The following PRKCI variants were observed in gnomAD, a reference collection of about 807,000 sequenced individuals.
PRKCI encodes protein kinase C iota, also known as protein kinase C iota type.
Under a neutral mutation model 84.0 loss-of-function variants are expected in PRKCI, and 43 were observed. That is an observed-to-expected ratio of 0.51 (90% CI 0.40 to 0.66). The LOEUF (loss-of-function observed/expected upper bound fraction) is 0.66. Among genes scored for constraint, PRKCI ranks in the 30% least tolerant of loss-of-function variants. The pLI, the probability that PRKCI is intolerant of heterozygous loss-of-function variation, is 0.00. For missense variants in PRKCI, 459 were observed against 745.6 expected, an observed-to-expected ratio of 0.62 and a Z score of 4.48; for synonymous variants, 216 against 234.4, an observed-to-expected ratio of 0.92 and a Z score of 0.72.
chr3:170,285,826 C>T (rs1368470020), intron 12 of PRKCI, among the ~76,000 whole-genome samples: 2 of 151,728 alleles, frequency 1.3e-5, no homozygotes, highest in African/African-American at 2.4e-5. Context: ...CTCACTGCAA[C>T]CTCCGCCTCC....
At chr3:170,260,080 A>G (rs371846765) in intron 3 of PRKCI, 22 bp downstream of exon 3, 96 of 1,398,326 alleles carry the variant, frequency 6.9e-5, no homozygotes, top group Non-Finnish European at 8.4e-5. Context: ...GTCATTTCAT[A>G]CTCGTCCAGA....
chr3:170,278,890 A>G (rs573274913), intron 8 of PRKCI, among the ~76,000 whole-genome samples: 19 of 152,328 alleles, frequency 1.2e-4, no homozygotes, highest in African/African-American at 4.3e-4. Context: ...CTCATTACAC[A>G]GGAACACACC....
Position 170,257,845 on chromosome 3 carries a change from G to A in PRKCI, c.224-2124G>A, listed in dbSNP as rs138420294. On this transcript the variant is annotated intron_variant, in intron 2 of 17. Coordinates refer to ENST00000295797, the MANE Select transcript of PRKCI (RefSeq NM_002740.6). ...ACGCCCAGCTAATTTTTGTGTTTTC[G>A]TAGAGACGGGGTTTCACCATGTTGG... 1.0e-2 allele frequency among the ~76,000 whole-genome samples: 1,513 copies of A among 151,828 alleles called. 20 individuals are homozygous for A. Among genetic ancestry groups the A allele is most frequent in the African/African-American group, 0.035 (1,449 of 41,392 alleles).
intron 2 of PRKCI, among the ~76,000 whole-genome samples, chr3:170,257,773 G>A (rs1733622007): frequency 1.3e-5 from 2 of 150,808 alleles, no homozygotes; most frequent in South Asian, 4.2e-4. Context: ...CAAGCGATTC[G>A]CCTGCCTTAG....
chr3:170,228,195 C>G (rs1168635961), intron 1 of PRKCI, among the ~76,000 whole-genome samples: 2 of 152,146 alleles, frequency 1.3e-5, no homozygotes, highest in Admixed American at 1.3e-4. Context: ...TGCTTGACAG[C>G]TAACCTATGT....
At chr3:170,253,516 G>A (rs2108845514) in intron 2 of PRKCI, among the ~76,000 whole-genome samples, 1 of 152,342 alleles carries the variant, frequency 6.6e-6, no homozygotes, top group East Asian at 1.9e-4. Context: ...CAGGAGCCGG[G>A]CACAGTGGCT....
At chr3:170,233,636 C>T (rs555256632) in intron 1 of PRKCI, among the ~76,000 whole-genome samples, 3 of 152,262 alleles carry the variant, frequency 2.0e-5, no homozygotes, top group East Asian at 3.9e-4. Flanking sequence ...TATAAAACTC[C>T]CTTGAATGTT....
chr3:170,276,844 C>A (rs531054563), intron 8 of PRKCI, among the ~76,000 whole-genome samples: 121 of 152,158 alleles, frequency 8.0e-4, no homozygotes, highest in African/African-American at 2.8e-3. Flanking sequence ...AATAAACAGA[C>A]AACCTAAAGA....
At chr3:170,245,061 G>A (rs74414393) in intron 2 of PRKCI, among the ~76,000 whole-genome samples, 3,179 of 152,154 alleles carry the variant, frequency 0.021, 54 homozygotes, top group East Asian at 0.084. Context: ...ATGCAAAACA[G>A]TTGTTCTCGG....
At position 170,245,949 on chromosome 3, in the gene PRKCI, G is replaced by GTTTTTTTTTTTTTTTTTTTTTTTTTTTTT. The variant is rs112482352; in HGVS notation, c.223+10619_223+10620insTTTTTTTTTTTTTTTTTTTTTTTTTTTTT. Among the ~76,000 whole-genome samples the GTTTTTTTTTTTTTTTTTTTTTTTTTTTTT allele has an allele frequency of 4.9e-5, 4 of 82,460 alleles. 1 individual carries two copies. The highest frequency in any genetic ancestry group is 1.5e-4 in the African/African-American group (3 of 20,442). The allele number at this position is 82,460 out of a possible 152,430, so 54.1% of individuals were successfully genotyped here. A position where few individuals can be genotyped will look rare whatever the true frequency, so the allele number is the denominator to read the frequency against. ...TTTTTTCCCTGGATGTTATGTCTTT[G>GTTTTTTTTTTTTTTTTTTTTTTTTTTTTT]TTTTTTTTTTTTTTTTTTTTTCTGA... is the stretch of plus-strand genomic sequence containing the variant. On this transcript the variant is annotated intron_variant, in intron 2 of 17. Coordinates refer to ENST00000295797, the MANE Select transcript of PRKCI (RefSeq NM_002740.6).
intron 1 of PRKCI, among the ~76,000 whole-genome samples, chr3:170,235,009 G>A (rs533578908): frequency 4.7e-4 from 72 of 151,874 alleles, no homozygotes; most frequent in Non-Finnish European, 8.2e-4. Flanking sequence ...TGAGCTCCTG[G>A]GCTAAAGTGA....
intron 1 of PRKCI, among the ~76,000 whole-genome samples, chr3:170,223,440 C>T (rs930830423): frequency 6.6e-6 from 1 of 152,060 alleles, no homozygotes; most frequent in Non-Finnish European, 1.5e-5. Flanking sequence ...CAACGACTAC[C>T]CGATAGGGTG....
At chr3:170,273,214 G>C in intron 6 of PRKCI, 72 bp from the exon 7 acceptor site, 1 of 1,221,774 alleles carries the variant, frequency 8.2e-7, no homozygotes, top group Non-Finnish European at 1.2e-6. Flanking sequence ...GCTGTGTGTT[G>C]TTGAAATAGT....
intron 9 of PRKCI, 87 bp from the exon 10 acceptor site, chr3:170,281,079 C>G: frequency 9.5e-7 from 1 of 1,047,976 alleles, no homozygotes. Context: ...TTAACCATTG[C>G]ATTTGTGACC....
At chr3:170,229,157 A>C (rs930660910) in intron 1 of PRKCI, among the ~76,000 whole-genome samples, 2 of 152,152 alleles carry the variant, frequency 1.3e-5, no homozygotes, top group Admixed American at 1.3e-4. Flanking sequence ...ATAGATATGT[A>C]TGTGCATACA....
intron 2 of PRKCI, among the ~76,000 whole-genome samples, chr3:170,247,362 C>T (rs1254147668): frequency 6.6e-6 from 1 of 151,128 alleles, no homozygotes; most frequent in African/African-American, 2.4e-5. Context: ...AGCCTTAAAC[C>T]ACTGTTTAAT....
At chr3:170,285,863 G>A (rs1385522885) in intron 12 of PRKCI, among the ~76,000 whole-genome samples, 2 of 150,984 alleles carry the variant, frequency 1.3e-5, no homozygotes, top group Admixed American at 6.6e-5. Context: ...TCCAGCCTCA[G>A]CCTTCCAAGT....
intron 2 of PRKCI, among the ~76,000 whole-genome samples, chr3:170,255,260 A>G (rs999451422): frequency 1.3e-5 from 2 of 151,910 alleles, no homozygotes; most frequent in Admixed American, 6.6e-5. Flanking sequence ...AGGTTTCTCC[A>G]TGTTAGTCAG....
intron 14 of PRKCI, among the ~76,000 whole-genome samples, chr3:170,294,736 G>T (rs866428943): frequency 3.9e-5 from 6 of 152,186 alleles, no homozygotes; most frequent in Admixed American, 2.0e-4. Context: ...GGAAACTGAG[G>T]CATAATTAGG....
Sources: gnomAD v4.1 joint callset for allele counts (sites outside exome capture counted in the v4.1 genomes callset) on GRCh38, gnomAD v4.1.1 for gene constraint, MANE v1.5 for transcripts, NCBI Gene and HGNC (gene_info 2026-07-23, HGNC 2026-07-21) for gene names.